MCM5: variants seen among roughly 807,000 people sequenced by gnomAD.
MCM5 encodes the protein DNA replication licensing factor MCM5.
A neutral mutation model predicts 79.9 loss-of-function variants in MCM5; 46 were observed. That is an observed-to-expected ratio of 0.58 (90% CI 0.45 to 0.74). The LOEUF (loss-of-function observed/expected upper bound fraction) is 0.74. MCM5 is among the 30% of genes least tolerant of loss of function. The pLI is 0.00. For missense variants in MCM5, 883 were observed against 1,017.0 expected (o/e 0.87, Z 1.79); for synonymous variants, 404 against 390.5 (o/e 1.03, Z -0.41).
intron 4 of MCM5, among the ~76,000 whole-genome samples, chr22:35,404,804 C>G (rs374735741): frequency 6.6e-6 from 1 of 152,158 alleles, no homozygotes; most frequent in Non-Finnish European, 1.5e-5. Context: ...CATTGAGAAA[C>G]GGAGACAAGG....
In MCM5 at chr22:35,416,730, CA is replaced by C; in HGVS notation, c.1508del (p.Asn503ThrfsTer14). On this transcript the variant is annotated frameshift_variant, in exon 12 of 17. Transcript: ENST00000216122. LOFTEE classifies it high-confidence loss of function. ...GCTGGGATGAGACGAAGGGGGAGGACAACATTGACTTCATGCCCACCATCTT... is the reference window on the plus strand; with the variant it reads ...GCTGGGATGAGACGAAGGGGGAGGACACATTGACTTCATGCCCACCATCTT... The part of the protein sequence containing the change: ...GRWDETKGED[N>X]IDFMPTILSR... The C allele has an allele frequency of 6.2e-7, 1 of 1,614,118 alleles. No homozygotes were observed. Among genetic ancestry groups the C allele is most frequent in the Non-Finnish European group, 8.5e-7 (1 of 1,180,026 alleles).
At chr22:35,403,746 AT>A (rs1932131463) in intron 4 of MCM5, among the ~76,000 whole-genome samples, 1 of 152,230 alleles carries the variant, frequency 6.6e-6, no homozygotes, top group Non-Finnish European at 1.5e-5. Flanking sequence ...AATGAATCCC[AT>A]AAAGCTTCAC....
downstream of MCM5, among the ~76,000 whole-genome samples, chr22:35,429,513 ACC>A (rs921299215): frequency 1.4e-5 from 2 of 146,466 alleles, no homozygotes; most frequent in Non-Finnish European, 3.0e-5. Context: ...ATTCCTCCTC[ACC>A]CCTCCTGCCC....
At position 35,406,543 on chromosome 22, in the gene MCM5, T is replaced by C; in HGVS notation, c.424-10T>C. ...CTTAACCAACAAGCTTCCCGATGGCTCTATTACAGTCGGACATGATGTCAC... is the reference window on the plus strand; with the variant it reads ...CTTAACCAACAAGCTTCCCGATGGCCCTATTACAGTCGGACATGATGTCAC... On this transcript the variant is annotated splice_polypyrimidine_tract_variant and intron_variant, in intron 4 of 16. Transcript: ENST00000216122. The C allele has an allele frequency of 6.2e-7, 1 of 1,611,492 alleles. No individual in the cohort carries two copies. The highest frequency in any genetic ancestry group is 1.1e-5 in the South Asian group (1 of 90,716).
intron 6 of MCM5, chr22:35,410,354 G>T: frequency 4.4e-6 from 1 of 229,566 alleles, no homozygotes; most frequent in Non-Finnish European, 9.0e-6. Flanking sequence ...AGGAAGTCTT[G>T]CCCTGAGAGG....
chr22:35,431,266 G>T, the MCM5 span, among the ~76,000 whole-genome samples: 1 of 152,182 alleles, frequency 6.6e-6, no homozygotes, highest in Non-Finnish European at 1.5e-5. Flanking sequence ...GCGGAAGTGG[G>T]TATCCTCGTC....
At chr22:35,445,266 A>G in the MCM5 span, among the ~76,000 whole-genome samples, 4 of 150,100 alleles carry the variant, frequency 2.7e-5, no homozygotes, top group Admixed American at 2.7e-4. Context: ...TCAGAATCCT[A>G]ATGGGCTTTC....
chr22:35,420,026 C>G lies in MCM5; in HGVS notation c.1832+14C>G, dbSNP rs1476128223. The G allele has an allele frequency of 3.8e-6, 6 of 1,596,678 alleles. No individual in the cohort carries two copies. The highest frequency in any genetic ancestry group is 5.1e-6 in the Non-Finnish European group (6 of 1,169,544). ...CATCACTGTGCGGTGAGCAGGCGGGCAGGGCTGGGCCATGGCAGATGGGGC... is the reference window on the plus strand; with the variant it reads ...CATCACTGTGCGGTGAGCAGGCGGGGAGGGCTGGGCCATGGCAGATGGGGC... On this transcript the variant is annotated intron_variant, in intron 14 of 16. Coordinates refer to ENST00000216122, the MANE Select transcript of MCM5 (RefSeq NM_006739.4).
intron 2 of MCM5, among the ~76,000 whole-genome samples, chr22:35,402,502 T>C (rs1388664125): frequency 1.3e-5 from 2 of 151,764 alleles, no homozygotes; most frequent in Non-Finnish European, 2.9e-5. Flanking sequence ...AGGTTTTTTT[T>C]TTTGTATTTT....
chr22:35,438,887 C>CCATCCATA, the MCM5 span, among the ~76,000 whole-genome samples: 2 of 148,754 alleles, frequency 1.3e-5, no homozygotes, highest in South Asian at 4.3e-4. Flanking sequence ...ATCCATCCAT[C>CCATCCATA]CATCTACATA....
At chr22:35,432,364 G>C in the MCM5 span, among the ~76,000 whole-genome samples, 1 of 152,190 alleles carries the variant, frequency 6.6e-6, no homozygotes, top group African/African-American at 2.4e-5. Flanking sequence ...GATGAAGCCA[G>C]GGGGTCTAGC....
At chr22:35,448,738 G>T in the MCM5 span, among the ~76,000 whole-genome samples, 4 of 152,214 alleles carry the variant, frequency 2.6e-5, no homozygotes, top group Admixed American at 2.6e-4. Context: ...TCCAGGTTTA[G>T]TGGCTTCAAA....
At chr22:35,438,848 C>T in the MCM5 span, among the ~76,000 whole-genome samples, 5 of 140,434 alleles carry the variant, frequency 3.6e-5, no homozygotes, top group Admixed American at 2.1e-4. Flanking sequence ...TTCACCCATC[C>T]ACCCACATAT....
At chr22:35,443,816 C>T in the MCM5 span, among the ~76,000 whole-genome samples, 1 of 152,184 alleles carries the variant, frequency 6.6e-6, no homozygotes, top group Non-Finnish European at 1.5e-5. Flanking sequence ...ATTCCTCCTT[C>T]AGGATGGTGC....
rs149623832 is a variant in MCM5, at chr22:35,417,780, G to T, written c.1627G>T (p.Ala543Ser). The T allele has an allele frequency of 6.8e-6, 11 of 1,613,996 alleles. No homozygotes were observed. The highest frequency in any genetic ancestry group is 4.5e-5 in the East Asian group (2 of 44,890). ...AKHVITLHVSALTQTQAVEGE... is the reference protein window; with the variant it reads ...AKHVITLHVSSLTQTQAVEGE... ...GCATGTCATCACTCTGCACGTGAGC[G>T]CACTGACACAGACACAGGCTGTGGA... The change falls in exon 13 of 17, where the codon GCA becomes TCA. Residue 543 changes from alanine (A) to serine (S), a missense_variant. Around this residue, in one of 3 missense-constraint regions of MCM5, gnomAD observed 426 missense variants for 482.3 expected, o/e 0.88. Transcript: ENST00000216122.
At chr22:35,413,221 T>A (rs1932439665) in intron 8 of MCM5, among the ~76,000 whole-genome samples, 1 of 152,092 alleles carries the variant, frequency 6.6e-6, no homozygotes, top group South Asian at 2.1e-4. Flanking sequence ...TTTTTTTGTA[T>A]TTTTAGTAGA....
intron 10 of MCM5, 83 bp from the exon 11 acceptor site, chr22:35,416,256 G>T (rs893299668): frequency 1.5e-6 from 2 of 1,338,668 alleles, no homozygotes; most frequent in African/African-American, 1.4e-5. Context: ...AGGAGTGAGG[G>T]CTGCTGTTAG....
chr22:35,437,732 A>G, the MCM5 span, among the ~76,000 whole-genome samples: 6 of 152,148 alleles, frequency 3.9e-5, no homozygotes, highest in Middle Eastern at 3.2e-3. Flanking sequence ...GGGACCTTTT[A>G]GTCCCTTATC....
chr22:35,438,656 C>CATCCATCCATCT, the MCM5 span, among the ~76,000 whole-genome samples: 4 of 34,768 alleles, frequency 1.2e-4, no homozygotes, highest in Non-Finnish European at 1.3e-4. Context: ...TCCATCCATC[C>CATCCATCCATCT]GTCCATCCAC....
Sources: allele counts gnomAD v4.1 joint callset (sites outside exome capture counted in the v4.1 genomes callset), GRCh38; gene constraint gnomAD v4.1.1; regional missense constraint gnomAD v4.1.1; transcripts MANE v1.5; gene names NCBI Gene and HGNC (gene_info 2026-07-23, HGNC 2026-07-21).